The following XYLT1 variants were observed in gnomAD, a reference collection of about 807,000 sequenced individuals.
XYLT1 encodes the protein beta-D-xylosyltransferase 1.
In XYLT1, 36 loss-of-function variants were observed where a neutral mutation model predicts 91.3. The ratio of observed to expected loss-of-function variants is 0.39; its 90% CI spans 0.30 to 0.52. The LOEUF (loss-of-function observed/expected upper bound fraction) is 0.52, where lower values mean the gene tolerates loss of function less well. Among genes scored for constraint, XYLT1 ranks in the 20% least tolerant of loss-of-function variants. The probability of loss-of-function intolerance (pLI) is 0.68; values close to 1 mark genes in which losing one functional copy is unlikely to be tolerated. For missense variants in XYLT1, 1,242 were observed against 1,284.5 expected (o/e 0.97, Z 0.51); for synonymous variants, 588 against 532.0 (o/e 1.11, Z -1.45).
chr16:17,155,849 G>A (rs2031394277), intron 6 of XYLT1, among the ~76,000 whole-genome samples: 1 of 152,058 alleles, frequency 6.6e-6, no homozygotes, highest in Non-Finnish European at 1.5e-5. Flanking sequence ...CAAGACATCT[G>A]GGTACCACCT....
intron 2 of XYLT1, among the ~76,000 whole-genome samples, chr16:17,277,653 G>C (rs1056383436): frequency 6.6e-6 from 1 of 152,134 alleles, no homozygotes; most frequent in Non-Finnish European, 1.5e-5. Flanking sequence ...GCCTCCCAAA[G>C]TGCTGGGATT....
intron 1 of XYLT1, among the ~76,000 whole-genome samples, chr16:17,413,124 G>A (rs556782898): frequency 1.6e-4 from 25 of 152,328 alleles, no homozygotes; most frequent in African/African-American, 5.8e-4. Context: ...ACACGCAGTA[G>A]GCAGTCAGTG....
intron 2 of XYLT1, among the ~76,000 whole-genome samples, chr16:17,334,442 C>T (rs2034947760): frequency 6.6e-6 from 1 of 152,184 alleles, no homozygotes; most frequent in Non-Finnish European, 1.5e-5. Context: ...ACCTCCACCC[C>T]ATTAATTACC....
rs181716848 is a variant in XYLT1 at position 17,400,548 on chromosome 16, C to T, written c.364-42498G>A. On this transcript the variant is annotated intron_variant, in intron 1 of 11. Coordinates refer to ENST00000261381, the MANE Select transcript of XYLT1 (RefSeq NM_022166.4). ...GAGGTTACAGTGAGCTGAGATCATG[C>T]CATCACACTCCAGCCTGGGTGACAG... Among the ~76,000 whole-genome samples, 34 of 148,246 alleles carry T rather than the reference C, an allele frequency of 2.3e-4. No individual in the cohort carries two copies. The East Asian group carries it at 6.9e-3, about 30-fold the overall frequency.
chr16:17,305,631 G>A (rs1464426398), intron 2 of XYLT1, among the ~76,000 whole-genome samples: 2 of 151,978 alleles, frequency 1.3e-5, no homozygotes, highest in Non-Finnish European at 2.9e-5. Context: ...GGCCAGGGTG[G>A]TCTCGATCTC....
In XYLT1 at chr16:17,321,342, C is replaced by CTTT. The variant is rs10606202; in HGVS notation, c.402+36667_402+36669dup. On this transcript the variant is annotated intron_variant, in intron 2 of 11. Coordinates refer to ENST00000261381, the MANE Select transcript of XYLT1 (RefSeq NM_022166.4). ...GACAGTTCCCAAAGTACTAACTAGCCTTTTTTTTTTTTTTTTTTTTTTTTT... is the reference window on the plus strand; with the variant it reads ...GACAGTTCCCAAAGTACTAACTAGCCTTTTTTTTTTTTTTTTTTTTTTTTTTTT... 9.1e-3 allele frequency among the ~76,000 whole-genome samples: 396 copies of CTTT among 43,626 alleles called. 79 individuals are homozygous for CTTT. The highest frequency in any genetic ancestry group is 0.037 in the East Asian group (36 of 978). The allele number at this position is 43,626 out of a possible 152,430, so 28.6% of individuals were successfully genotyped here. A position where few individuals can be genotyped will look rare whatever the true frequency, so the allele number is the denominator to read the frequency against.
At chr16:17,148,877 A>C (rs903383207) in intron 6 of XYLT1, among the ~76,000 whole-genome samples, 1 of 152,260 alleles carries the variant, frequency 6.6e-6, no homozygotes, top group Non-Finnish European at 1.5e-5. Flanking sequence ...CTTTGGAAGA[A>C]TCTTTCTGCC....
intron 4 of XYLT1, among the ~76,000 whole-genome samples, chr16:17,200,217 C>A (rs1166781169): frequency 2.0e-5 from 3 of 146,620 alleles, no homozygotes; most frequent in African/African-American, 2.5e-5. Context: ...GACATTCCAT[C>A]AAAAAAAAAA....
In XYLT1 at chr16:17,222,349, A is replaced by G. The variant is rs535143576; in HGVS notation, c.914-21695T>C. On this transcript the variant is annotated intron_variant, in intron 3 of 11. Transcript: ENST00000261381. ...AGAATGCTACTGGCACCTAGGAGGT[A>G]GAAGCCAGGGATACCGCTAAACGTC... Among the ~76,000 whole-genome samples, 5 of 152,332 alleles carry G rather than the reference A, an allele frequency of 3.3e-5. No homozygotes were observed. In the South Asian group the frequency reaches 1.0e-3, roughly 32 times the overall value.
intron 10 of XYLT1, among the ~76,000 whole-genome samples, chr16:17,124,992 G>C (rs8047109): frequency 2.0e-5 from 3 of 151,946 alleles, no homozygotes; most frequent in Non-Finnish European, 4.4e-5. Flanking sequence ...TTTTCCATTC[G>C]TATCCTATAT....
At chr16:17,285,872 C>CTGTGTG (rs1208598665) in intron 2 of XYLT1, among the ~76,000 whole-genome samples, 2 of 112,238 alleles carry the variant, frequency 1.8e-5, no homozygotes, top group African/African-American at 6.7e-5. Context: ...CCTGGTGTAT[C>CTGTGTG]TCTGTGTGTG....
chr16:17,193,973 T>C (rs2032374245), intron 5 of XYLT1: 1 of 152,002 alleles, frequency 6.6e-6, no homozygotes, highest in Non-Finnish European at 1.5e-5. Context: ...AGGAAGATGA[T>C]GAGAAAGGCC....
chr16:17,225,173 A>ACT lies in XYLT1; in HGVS notation c.914-24520_914-24519insAG, dbSNP rs761445257. Among the ~76,000 whole-genome samples, 4 of 100,764 alleles carry ACT rather than the reference A, an allele frequency of 4.0e-5. No homozygotes were observed. In the Admixed American group the frequency reaches 4.2e-4, roughly 11 times the overall value. The allele number at this position is 100,764 out of a possible 152,430, so 66.1% of individuals were successfully genotyped here. A position where few individuals can be genotyped will look rare whatever the true frequency, so the allele number is the denominator to read the frequency against. ...ATTTTACACACACACACACACACAC[A>ACT]CACACTCTCTCTCTCTCTATTTATA... On this transcript the variant is annotated intron_variant, in intron 3 of 11. Coordinates refer to ENST00000261381, the MANE Select transcript of XYLT1 (RefSeq NM_022166.4).
At chr16:17,167,051 T>G (rs2031703669) in intron 5 of XYLT1, among the ~76,000 whole-genome samples, 1 of 152,220 alleles carries the variant, frequency 6.6e-6, no homozygotes, top group Middle Eastern at 3.2e-3. Context: ...AGGTACTCAT[T>G]TGCGGATGAA....
chr16:17,161,802 A>C (rs1023647644), intron 5 of XYLT1, among the ~76,000 whole-genome samples: 1 of 151,204 alleles, frequency 6.6e-6, no homozygotes, highest in Non-Finnish European at 1.5e-5. Flanking sequence ...ATTTCCTCCT[A>C]CTTTTTGCTG....
Position 17,200,478 on chromosome 16 carries a change from T to C in XYLT1, c.1086+4A>G, listed in dbSNP as rs368086323. ...AGCAAGGGGTGATCACAGAGGCCTCTCACCTTGTCCACGTGGATGTAGTAG... is the reference window on the plus strand; with the variant it reads ...AGCAAGGGGTGATCACAGAGGCCTCCCACCTTGTCCACGTGGATGTAGTAG... On this transcript the variant is annotated splice_donor_region_variant and intron_variant, in intron 4 of 11. Transcript: ENST00000261381. 7.4e-6 allele frequency: 12 copies of C among 1,611,182 alleles called. No homozygotes were observed. The highest frequency in any genetic ancestry group is 1.3e-5 in the African/African-American group (1 of 74,888).
At chr16:17,423,836 G>A (rs756699678) in intron 1 of XYLT1, among the ~76,000 whole-genome samples, 1 of 152,036 alleles carries the variant, frequency 6.6e-6, no homozygotes, top group African/African-American at 2.4e-5. Context: ...GGATGGTCTC[G>A]ATCCCTTGAC....
At chr16:17,154,213 C>T (rs954334125) in intron 6 of XYLT1, among the ~76,000 whole-genome samples, 16 of 152,192 alleles carry the variant, frequency 1.1e-4, no homozygotes, top group Non-Finnish European at 5.9e-5. Context: ...CATGGCCTGT[C>T]GAAGCCATTT....
Position 17,462,136 on chromosome 16 carries a change from T to C in XYLT1, c.363+8298A>G, listed in dbSNP as rs1369619592. 2.6e-5 allele frequency among the ~76,000 whole-genome samples: 4 copies of C among 152,188 alleles called. No individual in the cohort carries two copies. In the East Asian group the frequency reaches 7.7e-4, roughly 29 times the overall value. ...CCTGGGAGGAGAAACAAATGCCTCTTACCACATTACCTCATTAGCATCCAC... is the reference window on the plus strand; with the variant it reads ...CCTGGGAGGAGAAACAAATGCCTCTCACCACATTACCTCATTAGCATCCAC... On this transcript the variant is annotated intron_variant, in intron 1 of 11. Transcript: ENST00000261381.
Sources: allele counts gnomAD v4.1 joint callset (sites outside exome capture counted in the v4.1 genomes callset), GRCh38; gene constraint gnomAD v4.1.1; transcripts MANE v1.5; gene names NCBI Gene and HGNC (gene_info 2026-07-23, HGNC 2026-07-21).